The following DOCK5 variants were observed in gnomAD, a reference collection of about 807,000 sequenced individuals.
DOCK5 encodes dedicator of cytokinesis protein 5.
DOCK5 carries 142 observed loss-of-function variants against 251.8 expected under a neutral mutation model. The ratio of observed to expected loss-of-function variants is 0.56; its 90% CI spans 0.49 to 0.65. The LOEUF is 0.65. DOCK5 is among the 30% of genes least tolerant of loss of function. The pLI is 0.00. For missense variants in DOCK5, 2,111 were observed against 2,312.3 expected (o/e 0.91, Z 1.79); for synonymous variants, 842 against 835.5 (o/e 1.01, Z -0.13).
intron 2 of DOCK5, among the ~76,000 whole-genome samples, chr8:25,255,068 G>T (rs1221175953): frequency 6.6e-6 from 1 of 152,170 alleles, no homozygotes; most frequent in Admixed American, 6.5e-5. Context: ...TGCTGCCAAG[G>T]ATGTGGAGCA....
intron 37 of DOCK5, 52 bp from the exon 38 acceptor site, chr8:25,377,253 G>C: frequency 6.4e-7 from 1 of 1,553,544 alleles, no homozygotes; most frequent in Non-Finnish European, 8.7e-7. Flanking sequence ...CTTGATGTTG[G>C]GGGGCTGAAT....
chr8:25,332,421 T>C (rs1238866527), intron 19 of DOCK5, 73 bp downstream of exon 19: 3 of 1,284,368 alleles, frequency 2.3e-6, no homozygotes, highest in African/African-American at 1.5e-5. Flanking sequence ...ACCTAATTGG[T>C]TCACCATTTA....
At chr8:25,348,040 AAAG>A (rs762461240) in intron 26 of DOCK5, among the ~76,000 whole-genome samples, 5 of 152,226 alleles carry the variant, frequency 3.3e-5, no homozygotes, top group Non-Finnish European at 5.9e-5. Flanking sequence ...GAGCTCTGGT[AAAG>A]TAGTAAGTCC....
intron 27 of DOCK5, among the ~76,000 whole-genome samples, chr8:25,354,691 G>A (rs1163085154): frequency 6.6e-6 from 1 of 152,198 alleles, no homozygotes; most frequent in Non-Finnish European, 1.5e-5. Context: ...GAAGAGAGAT[G>A]TGGAAAAAGA....
intron 41 of DOCK5, 121 bp downstream of exon 41, chr8:25,389,353 C>A: frequency 7.7e-7 from 1 of 1,292,452 alleles, no homozygotes; most frequent in Non-Finnish European, 1.1e-6. Flanking sequence ...CTCAAGCATT[C>A]TGACACAGGT....
At position 25,381,213 on chromosome 8, in the gene DOCK5, C is replaced by A. The variant is rs528420610; in HGVS notation, c.4026+819C>A. On this transcript the variant is annotated intron_variant, in intron 39 of 51. Transcript: ENST00000276440. ...GAGGAGTTAGAAAAGATCAGGTCAC[C>A]CATAGTCATGAAATAATCATTTATT... Among the ~76,000 whole-genome samples, 4 of 152,224 alleles carry A rather than the reference C, an allele frequency of 2.6e-5. No individual in the cohort carries two copies. In the East Asian group the frequency reaches 7.7e-4, roughly 29 times the overall value.
chr8:25,206,581 T>C (rs1337130355), intron 1 of DOCK5, among the ~76,000 whole-genome samples: 1 of 152,184 alleles, frequency 6.6e-6, no homozygotes, highest in Non-Finnish European at 1.5e-5. Flanking sequence ...ATAGTTACAG[T>C]ACCTGCCTGC....
intron 1 of DOCK5, among the ~76,000 whole-genome samples, chr8:25,206,593 C>CA (rs1442574001): frequency 6.6e-6 from 1 of 152,144 alleles, no homozygotes; most frequent in East Asian, 1.9e-4. Context: ...CCTGCCTGCC[C>CA]ACAGCCTGGA....
intron 44 of DOCK5, 99 bp downstream of exon 44, chr8:25,392,981 C>T: frequency 9.6e-7 from 1 of 1,040,242 alleles, no homozygotes; most frequent in African/African-American, 1.6e-5. Flanking sequence ...CCAGCTTGGC[C>T]AGCCTCCTCT....
intron 5 of DOCK5, among the ~76,000 whole-genome samples, chr8:25,287,968 C>T (rs1362417128): frequency 6.7e-6 from 1 of 148,704 alleles, no homozygotes; most frequent in Non-Finnish European, 1.5e-5. Context: ...TTGCAGCAAC[C>T]TCTGCCTCCT....
intron 33 of DOCK5, 117 bp from the exon 34 acceptor site, chr8:25,369,439 T>C: frequency 1.3e-6 from 1 of 767,850 alleles, no homozygotes; most frequent in Non-Finnish European, 2.1e-6. Flanking sequence ...TGATCCTCCC[T>C]GTCTGTGCTG....
At chr8:25,200,529 G>A (rs904058124) in intron 1 of DOCK5, among the ~76,000 whole-genome samples, 12 of 152,152 alleles carry the variant, frequency 7.9e-5, no homozygotes, top group Non-Finnish European at 2.9e-5. Flanking sequence ...ATACTGAGTC[G>A]TTTGTTTATC....
chr8:25,364,884 G>A, intron 30 of DOCK5, 180 bp downstream of exon 30: 1 of 483,048 alleles, frequency 2.1e-6, no homozygotes, highest in South Asian at 3.6e-5. Flanking sequence ...AACAAAATAG[G>A]GGTGGTTTCT....
At chr8:25,321,586 G>T (rs565478404) in intron 16 of DOCK5, among the ~76,000 whole-genome samples, 1 of 152,222 alleles carries the variant, frequency 6.6e-6, no homozygotes, top group Admixed American at 6.5e-5. Flanking sequence ...GTCACAATAG[G>T]GTTCGGCTCC....
chr8:25,320,919 A>T, intron 15 of DOCK5, 61 bp from the exon 16 acceptor site: 1 of 1,472,780 alleles, frequency 6.8e-7, no homozygotes, highest in Non-Finnish European at 9.4e-7. Context: ...ATTCCATGAA[A>T]TAAACCATGC....
In DOCK5 at chr8:25,282,849, CAAAAAAAAAAAAAAA is replaced by C. The variant is rs56687628; in HGVS notation, c.321+4201_321+4215del. ...TGGGTGACACAGTAAGACCCTTTCT[CAAAAAAAAAAAAAAA>C]AAAAAAAAAAAAAAAAGATACCTGT... On this transcript the variant is annotated intron_variant, in intron 5 of 51. Transcript: ENST00000276440. 2.3e-4 allele frequency among the ~76,000 whole-genome samples: 9 copies of C among 39,590 alleles called. No individual in the cohort carries two copies. In the South Asian group the frequency reaches 5.6e-3, roughly 25 times the overall value. The allele number at this position is 39,590 out of a possible 152,430, so 26.0% of individuals were successfully genotyped here.
Position 25,351,442 on chromosome 8 carries a change from G to C in DOCK5, c.2755-289G>C, listed in dbSNP as rs1800466437. 3.2e-5 allele frequency: 11 copies of C among 344,902 alleles called. No individual in the cohort carries two copies. The South Asian group carries it at 3.9e-4, about 12-fold the overall frequency. The allele number at this position is 344,902 out of a possible 1,614,324, so 21.4% of individuals were successfully genotyped here. A position where few individuals can be genotyped will look rare whatever the true frequency, so the allele number is the denominator to read the frequency against. ...TCCCCCAAAACTATTTGTTGAGTCA[G>C]TGGCCACAGTGAGCTCTCAGTGAAC... On this transcript the variant is annotated intron_variant, in intron 26 of 51. Coordinates refer to ENST00000276440, the MANE Select transcript of DOCK5 (RefSeq NM_024940.8).
At chr8:25,333,011 G>A (rs1805717093) in intron 20 of DOCK5, among the ~76,000 whole-genome samples, 1 of 152,282 alleles carries the variant, frequency 6.6e-6, no homozygotes, top group South Asian at 2.1e-4. Context: ...TTACATGTTG[G>A]ATTTGTGTGT....
intron 18 of DOCK5, among the ~76,000 whole-genome samples, chr8:25,326,710 G>A (rs1336963453): frequency 6.6e-6 from 1 of 152,142 alleles, no homozygotes; most frequent in Admixed American, 6.5e-5. Context: ...TTGAGCCTGT[G>A]ATTTGATTCC....
Sources: allele counts gnomAD v4.1 joint callset (sites outside exome capture counted in the v4.1 genomes callset), GRCh38; gene constraint gnomAD v4.1.1; transcripts MANE v1.5; gene names NCBI Gene and HGNC (gene_info 2026-07-23, HGNC 2026-07-21).